The following MRC1 variants were observed in gnomAD, a reference collection of about 807,000 sequenced individuals.
MRC1 encodes macrophage mannose receptor 1.
Under a neutral mutation model 102.9 loss-of-function variants are expected in MRC1, and 62 were observed. That is an observed-to-expected ratio of 0.60 (90% CI 0.49 to 0.74). The LOEUF is 0.74. MRC1 is among the 30% of genes least tolerant of loss of function. The pLI is 0.00. For synonymous variants in MRC1, 457 were observed against 298.4 expected (o/e 1.53, Z -5.48); for missense variants, 1,237 against 862.8 (o/e 1.43, Z -5.43).
chr10:17,854,277 T>C (rs1460517254), intron 8 of MRC1, among the ~76,000 whole-genome samples: 3 of 152,214 alleles, frequency 2.0e-5, no homozygotes, highest in African/African-American at 7.2e-5. Flanking sequence ...AAATAATGCA[T>C]GTGTGGTACA....
intron 14 of MRC1, 86 bp downstream of exon 14, chr10:17,871,021 A>G (rs1033096087): frequency 1.2e-6 from 1 of 803,642 alleles, no homozygotes; most frequent in South Asian, 1.4e-5. Flanking sequence ...CAAACTTTTA[A>G]TAAGACAGTT....
Position 17,833,939 on chromosome 10 carries a change from G to C in MRC1, c.802+100G>C, listed in dbSNP as rs1838622099. On this transcript the variant is annotated intron_variant, in intron 4 of 29. Coordinates refer to ENST00000569591, the MANE Select transcript of MRC1 (RefSeq NM_002438.4). ...ACAAGTGTTTATAGATGTTATGACAGAAGCAATTCTTAAGCAGTTTATGTG... is the reference window on the plus strand; with the variant it reads ...ACAAGTGTTTATAGATGTTATGACACAAGCAATTCTTAAGCAGTTTATGTG... 4.1e-5 allele frequency: 29 copies of C among 703,738 alleles called. 1 individual carries two copies. In the South Asian group the frequency reaches 4.7e-4, roughly 11 times the overall value. 43.6% of individuals were successfully genotyped at this position (703,738 alleles called of 1,614,324 possible).
chr10:17,842,852 C>T (rs35532169), intron 5 of MRC1, among the ~76,000 whole-genome samples: 17,955 of 152,168 alleles, frequency 0.12, 1,087 homozygotes, highest in Middle Eastern at 0.18. Context: ...GAAAGGGAAG[C>T]AAATGCTTTC....
chr10:17,831,055 ATT>A (rs34705004), intron 3 of MRC1, among the ~76,000 whole-genome samples: 5 of 141,948 alleles, frequency 3.5e-5, no homozygotes, highest in African/African-American at 8.1e-5. Context: ...TACCTGGGTA[ATT>A]TTTTTTTTTT....
chr10:17,852,957 T>C lies in MRC1; in HGVS notation c.1250-10T>C. 5.1e-6 allele frequency: 4 copies of C among 780,798 alleles called. No individual in the cohort carries two copies. The highest frequency in any genetic ancestry group is 9.6e-6 in the Non-Finnish European group (4 of 417,924). The allele number at this position is 780,798 out of a possible 1,614,324, so 48.4% of individuals were successfully genotyped here. On this transcript the variant is annotated splice_polypyrimidine_tract_variant and intron_variant, in intron 7 of 29. Coordinates refer to ENST00000569591, the MANE Select transcript of MRC1 (RefSeq NM_002438.4). ...CTTGTATATACCACTGTGTGTTTCT[T>C]CCTGTTTAGAGCCAAATGACGAATT...
chr10:17,879,626 G>T (rs1424025310), intron 18 of MRC1, 95 bp from the exon 19 acceptor site: 2 of 780,054 alleles, frequency 2.6e-6, no homozygotes, highest in African/African-American at 3.4e-5. Context: ...GCCTCCCATG[G>T]TGCTGGGATT....
At chr10:17,811,749 T>A (rs1044651714) in intron 1 of MRC1, among the ~76,000 whole-genome samples, 6 of 152,000 alleles carry the variant, frequency 3.9e-5, no homozygotes, top group African/African-American at 1.5e-4. Context: ...TTTAATTTTT[T>A]TTATTTTTTT....
chr10:17,846,624 G>C (rs972927314), intron 6 of MRC1, among the ~76,000 whole-genome samples: 7 of 152,108 alleles, frequency 4.6e-5, no homozygotes, highest in African/African-American at 1.7e-4. Context: ...TAGTTATTCT[G>C]TGACTATATA....
intron 4 of MRC1, among the ~76,000 whole-genome samples, chr10:17,835,608 A>C (rs1020655587): frequency 8.5e-5 from 13 of 152,240 alleles, no homozygotes; most frequent in African/African-American, 3.1e-4. Context: ...TCTTCCCCCA[A>C]GGAGGTTCAC....
intron 11 of MRC1, among the ~76,000 whole-genome samples, chr10:17,864,300 T>C (rs1197895753): frequency 2.6e-5 from 4 of 152,104 alleles, no homozygotes; most frequent in African/African-American, 9.7e-5. Context: ...ACTGCGCATG[T>C]CCTGTTTGAC....
intron 28 of MRC1, among the ~76,000 whole-genome samples, chr10:17,908,522 AGACACACCAC>A (rs1833926240): frequency 1.3e-5 from 2 of 152,054 alleles, no homozygotes; most frequent in African/African-American, 4.8e-5. Context: ...AACTGTTCTA[AGACACACCAC>A]ATCCTCTGGT....
At chr10:17,901,880 T>A in intron 25 of MRC1, 93 bp from the exon 26 acceptor site, 1 of 775,340 alleles carries the variant, frequency 1.3e-6, no homozygotes, top group Admixed American at 1.7e-5. Flanking sequence ...AAAATAATGA[T>A]CAATGATCAG....
At chr10:17,890,960 C>T (rs1374888805) in intron 22 of MRC1, among the ~76,000 whole-genome samples, 1 of 151,800 alleles carries the variant, frequency 6.6e-6, no homozygotes, top group Non-Finnish European at 1.5e-5. Context: ...GAAACGTGAA[C>T]CCTACTGTGA....
rs1833577936 is a variant in MRC1 at position 17,885,327 on chromosome 10, T to C, written c.3039T>C (p.Asp1013=). The C allele has an allele frequency of 2.6e-6, 2 of 780,780 alleles. No homozygotes were observed. Among genetic ancestry groups the C allele is most frequent in the African/African-American group, 1.7e-5 (1 of 59,148 alleles). 48.4% of individuals were successfully genotyped at this position (780,780 alleles called of 1,614,324 possible). ...STFSAWTGLN[D]VNSEHTFLWT... ...TCAGTGCCTGGACTGGGCTGAATGA[T>C]GTCAATTCAGAACACACGTTCCTTT... Residue 1013 remains aspartate (D), a synonymous_variant, in exon 22 of 30, where the codon GAT becomes GAC. Coordinates refer to ENST00000569591, the MANE Select transcript of MRC1 (RefSeq NM_002438.4).
At chr10:17,907,869 G>A (rs1042209599) in intron 28 of MRC1, among the ~76,000 whole-genome samples, 171 bp downstream of exon 28, 4 of 152,192 alleles carry the variant, frequency 2.6e-5, no homozygotes, top group African/African-American at 7.2e-5. Context: ...GCAGCTCTGC[G>A]TGAGTGAGAG....
At chr10:17,882,390 G>A (rs1833532907) in intron 21 of MRC1, among the ~76,000 whole-genome samples, 1 of 151,782 alleles carries the variant, frequency 6.6e-6, no homozygotes, top group African/African-American at 2.4e-5. Context: ...ACAGAACAAT[G>A]GCTGGTATGT....
At chr10:17,825,973 G>C (rs1276060277) in intron 2 of MRC1, among the ~76,000 whole-genome samples, 2 of 152,026 alleles carry the variant, frequency 1.3e-5, no homozygotes, top group African/African-American at 4.8e-5. Flanking sequence ...ACTAAAGCTG[G>C]AATCGCATTT....
intron 2 of MRC1, among the ~76,000 whole-genome samples, chr10:17,824,559 G>A (rs35180778): frequency 0.013 from 2,048 of 152,066 alleles, 51 homozygotes; most frequent in African/African-American, 0.047. Flanking sequence ...GTGAGAGAAG[G>A]GCTCAGAAAT....
In MRC1 at chr10:17,823,411, G is replaced by A. The variant is rs782794024; in HGVS notation, c.399G>A (p.Ser133=). 7.7e-6 allele frequency: 6 copies of A among 780,692 alleles called. No homozygotes were observed. The highest frequency in any genetic ancestry group is 7.3e-5 in the East Asian group (3 of 41,258). The allele number at this position is 780,692 out of a possible 1,614,324, so 48.4% of individuals were successfully genotyped here. The change falls in exon 2 of 30, where the codon TCG becomes TCA. Residue 133 remains serine, a synonymous_variant. Transcript: ENST00000569591. ...AGAATATTATGCTCTACAAGGGATC[G>A]GGTTTATGGAGCAGGTGGAAGATCT... ...QEKNIMLYKG[S]GLWSRWKIYG...
Sources: gnomAD v4.1 joint callset for allele counts (sites outside exome capture counted in the v4.1 genomes callset) on GRCh38, gnomAD v4.1.1 for gene constraint, MANE v1.5 for transcripts, NCBI Gene and HGNC (gene_info 2026-07-23, HGNC 2026-07-21) for gene names.